ADARB2: variants seen among roughly 807,000 people sequenced by gnomAD.
ADARB2 encodes adenosine deaminase RNA specific B2 (inactive), also known as inactive double-stranded RNA-specific editase B2.
Under a neutral mutation model 62.2 loss-of-function variants are expected in ADARB2, and 25 were observed. The observed-to-expected ratio is 0.40, with a 90% CI of 0.29 to 0.56. The LOEUF is 0.56. ADARB2 is among the 20% of genes least tolerant of loss of function. The probability of loss-of-function intolerance (pLI) is 0.43; values close to 1 mark genes in which losing one functional copy is unlikely to be tolerated. For synonymous variants in ADARB2, 572 were observed against 500.8 expected (o/e 1.14, Z -1.90); for missense variants, 1,071 against 1,077.4 (o/e 0.99, Z 0.08).
intron 8 of ADARB2, among the ~76,000 whole-genome samples, chr10:1,192,914 GCCTGGGTGACAGAGCGAGACTCCGTCTC>G (rs1354514421): frequency 2.0e-5 from 3 of 152,252 alleles, no homozygotes; most frequent in African/African-American, 4.8e-5. Flanking sequence ...CTGCATTCCC[GCCTGGGTGACAGAGCGAGACTCCGTCTC>G]AAAAGAAAGA....
intron 3 of ADARB2, among the ~76,000 whole-genome samples, chr10:1,283,638 G>A (rs925256303): frequency 5.9e-5 from 9 of 152,164 alleles, no homozygotes; most frequent in South Asian, 2.1e-4. Flanking sequence ...GTTGATGATC[G>A]TGAGAATAAC....
intron 5 of ADARB2, 92 bp from the exon 6 acceptor site, chr10:1,233,937 T>C (rs1183669458): frequency 6.0e-6 from 8 of 1,339,480 alleles, no homozygotes; most frequent in Non-Finnish European, 8.0e-6. Flanking sequence ...TTTGTAGAGT[T>C]GTTCCCCAAG....
At chr10:1,503,032 A>G (rs1217084785) in intron 1 of ADARB2, among the ~76,000 whole-genome samples, 3 of 152,220 alleles carry the variant, frequency 2.0e-5, no homozygotes, top group Non-Finnish European at 4.4e-5. Context: ...AATAGCAATG[A>G]GATTAACCCT....
Position 1,178,479 on chromosome 10 carries a change from G to C in ADARB2, c.*4714C>G, listed in dbSNP as rs1366613822. The C allele has an allele frequency of 2.0e-5, 3 of 152,340 alleles. No homozygotes were observed. Among genetic ancestry groups the C allele is most frequent in the African/African-American group, 7.2e-5 (3 of 41,440 alleles). 9.4% of individuals were successfully genotyped at this position (152,340 alleles called of 1,614,324 possible). A position where few individuals can be genotyped will look rare whatever the true frequency, so the allele number is the denominator to read the frequency against. ...CTCGGATTCAGAATTTGTGGGAGAA[G>C]TTTGACGGGTCACCAGCAGCCCAGT... On this transcript the variant is annotated 3_prime_UTR_variant, in exon 10 of 10. Coordinates refer to ENST00000381312, the MANE Select transcript of ADARB2 (RefSeq NM_018702.4).
intron 3 of ADARB2, among the ~76,000 whole-genome samples, chr10:1,303,650 G>C (rs899212563): frequency 6.6e-5 from 10 of 152,018 alleles, no homozygotes; most frequent in African/African-American, 2.4e-4. Flanking sequence ...TACCCTCAAA[G>C]GGAAGCCCAT....
At chr10:1,537,490 C>T (rs906448061) in intron 1 of ADARB2, among the ~76,000 whole-genome samples, 3 of 152,220 alleles carry the variant, frequency 2.0e-5, no homozygotes, top group African/African-American at 4.8e-5. Context: ...ATAAATTATT[C>T]TACTATAAAG....
rs1189043526 is a variant in ADARB2, at chr10:1,477,158, C to T, written c.101-97998G>A. The stretch of plus-strand genomic sequence containing the variant: ...CTTGGGTTGCCCGATCCTGCAAACG[C>T]TGGCTTTCTCCTCTGACCCATGGCT... On this transcript the variant is annotated intron_variant, in intron 1 of 9. Coordinates refer to ENST00000381312, the MANE Select transcript of ADARB2 (RefSeq NM_018702.4). The surrounding 1 kb of genome is among the most constrained non-coding windows in gnomAD (Gnocchi z 4.5). Among the ~76,000 whole-genome samples the T allele has an allele frequency of 6.6e-6, 1 of 152,208 alleles. No homozygotes were observed. Among genetic ancestry groups the T allele is most frequent in the African/African-American group, 2.4e-5 (1 of 41,446 alleles).
rs1050239150 is a variant in ADARB2 at position 1,507,284 on chromosome 10, C to T, written c.101-128124G>A. Among the ~76,000 whole-genome samples the T allele has an allele frequency of 3.3e-5, 5 of 152,252 alleles. No individual in the cohort carries two copies. In the East Asian group the frequency reaches 5.8e-4, roughly 18 times the overall value. ...ATGTGCTGGCTGTAGAAGAGGAGCT[C>T]GTTTTATGTGAGGGAACCTCAGGAG... On this transcript the variant is annotated intron_variant, in intron 1 of 9. Coordinates refer to ENST00000381312, the MANE Select transcript of ADARB2 (RefSeq NM_018702.4).
At chr10:1,585,874 A>T (rs1055078585) in intron 1 of ADARB2, among the ~76,000 whole-genome samples, 2 of 152,128 alleles carry the variant, frequency 1.3e-5, no homozygotes, top group Non-Finnish European at 2.9e-5. Context: ...CTCTACTAAA[A>T]ATACAAAAAA....
chr10:1,328,663 G>T (rs1181586871), intron 3 of ADARB2, among the ~76,000 whole-genome samples: 1 of 152,072 alleles, frequency 6.6e-6, no homozygotes, highest in Admixed American at 6.5e-5. Flanking sequence ...CCAGAGCTTG[G>T]CATGTAAAAC....
intron 1 of ADARB2, among the ~76,000 whole-genome samples, chr10:1,716,326 G>A (rs1053128233): frequency 2.0e-5 from 3 of 152,216 alleles, no homozygotes; most frequent in Admixed American, 1.3e-4. Flanking sequence ...AGACAGTCAG[G>A]AAGAAGGTGT....
chr10:1,385,515 G>A (rs2805511), intron 1 of ADARB2, among the ~76,000 whole-genome samples: 1 of 150,324 alleles, frequency 6.7e-6, no homozygotes, highest in East Asian at 1.9e-4. Flanking sequence ...TACTGGATGG[G>A]TTTCACATTG....
intron 6 of ADARB2, among the ~76,000 whole-genome samples, chr10:1,222,206 A>G (rs973140571): frequency 6.6e-5 from 10 of 152,150 alleles, no homozygotes; most frequent in African/African-American, 2.4e-4. Flanking sequence ...TTGGCTGCAT[A>G]AATGTCTTTT....
chr10:1,195,496 G>A lies in ADARB2; in HGVS notation c.1864+4470C>T, dbSNP rs140996025. ...CAGAATGGCAGAGTTTTGCAGGCCT[G>A]GGTGGGAGAGCACATCTAGGCAGAG... On this transcript the variant is annotated intron_variant, in intron 8 of 9. Coordinates refer to ENST00000381312, the MANE Select transcript of ADARB2 (RefSeq NM_018702.4). Among the ~76,000 whole-genome samples, 237 of 151,542 alleles carry A rather than the reference G, an allele frequency of 1.6e-3. 2 individuals carry two copies. The highest frequency in any genetic ancestry group is 5.1e-3 in the African/African-American group (209 of 41,252).
chr10:1,636,453 G>GCC (rs1833918140), intron 1 of ADARB2, among the ~76,000 whole-genome samples: 1 of 152,136 alleles, frequency 6.6e-6, no homozygotes, highest in Non-Finnish European at 1.5e-5. Context: ...AGAGGTTGAG[G>GCC]CTGCAGTGAG....
intron 1 of ADARB2, among the ~76,000 whole-genome samples, chr10:1,685,444 G>A (rs1440870770): frequency 6.6e-6 from 1 of 152,100 alleles, no homozygotes; most frequent in East Asian, 1.9e-4. Context: ...CCTGACACAT[G>A]GAATTCTAAA....
intron 2 of ADARB2, among the ~76,000 whole-genome samples, chr10:1,375,972 T>TGCACACACAC (rs1166254870): frequency 6.7e-6 from 1 of 149,636 alleles, no homozygotes. Context: ...CACACACATG[T>TGCACACACAC]GCACACACAC....
At chr10:1,635,866 C>T (rs2119050912) in intron 1 of ADARB2, among the ~76,000 whole-genome samples, 1 of 152,310 alleles carries the variant, frequency 6.6e-6, no homozygotes, top group Non-Finnish European at 1.5e-5. Flanking sequence ...GTCAAAGCCC[C>T]TCCACTGACC....
chr10:1,639,446 C>T (rs905256548), intron 1 of ADARB2, among the ~76,000 whole-genome samples: 1 of 152,228 alleles, frequency 6.6e-6, no homozygotes, highest in Non-Finnish European at 1.5e-5. Context: ...GGTGTTTCTC[C>T]CTGGCTGGCC....
Sources: gnomAD v4.1 joint callset for allele counts (sites outside exome capture counted in the v4.1 genomes callset) on GRCh38, gnomAD v4.1.1 for gene constraint, Gnocchi (gnomAD v3.1) non-coding constraint, MANE v1.5 for transcripts, NCBI Gene and HGNC (gene_info 2026-07-23, HGNC 2026-07-21) for gene names.